Variants in OSBPL2 observed in about 807,000 individuals in gnomAD.
OSBPL2 encodes oxysterol binding protein like 2.
OSBPL2 carries 18 observed loss-of-function variants against 58.4 expected under a neutral mutation model. The observed-to-expected ratio is 0.31, with a 90% CI of 0.21 to 0.46. The LOEUF (loss-of-function observed/expected upper bound fraction) is 0.46. Among genes scored for constraint, OSBPL2 ranks in the 20% least tolerant of loss-of-function variants. OSBPL2 has a pLI of 1.00. For synonymous variants in OSBPL2, 221 were observed against 234.1 expected, an observed-to-expected ratio of 0.94 and a Z score of 0.51; for missense variants, 461 against 616.5, an observed-to-expected ratio of 0.75 and a Z score of 2.67.
intron 1 of OSBPL2, 43 bp downstream of exon 1, chr20:62,238,640 G>C (rs2145904152): frequency 6.8e-6 from 1 of 148,060 alleles, no homozygotes; most frequent in African/African-American, 2.4e-5. Context: ...CCGGGACCCC[G>C]GCGAGCTGCG....
At chr20:62,270,088 A>C (rs1159842128) in intron 4 of OSBPL2, among the ~76,000 whole-genome samples, 1 of 152,186 alleles carries the variant, frequency 6.6e-6, no homozygotes, top group Non-Finnish European at 1.5e-5. Flanking sequence ...GCCCAGGCAG[A>C]GCGCGTCCTT....
intron 2 of OSBPL2, among the ~76,000 whole-genome samples, chr20:62,258,633 C>T (rs996208492): frequency 1.4e-4 from 21 of 152,214 alleles, no homozygotes; most frequent in Middle Eastern, 3.4e-3. Flanking sequence ...ATCCGAGTAG[C>T]GTTGGCTGAG....
At chr20:62,284,677 C>G (rs946119877) in intron 10 of OSBPL2, 4 of 154,450 alleles carry the variant, frequency 2.6e-5, no homozygotes, top group Admixed American at 2.5e-4. Flanking sequence ...CAACACCCAG[C>G]CGGCATATCT....
chr20:62,293,168 A>G lies in OSBPL2; in HGVS notation c.1341-617A>G, dbSNP rs1324203732. 2.2e-5 allele frequency among the ~76,000 whole-genome samples: 3 copies of G among 138,464 alleles called. No homozygotes were observed. In the East Asian group the frequency reaches 6.4e-4, roughly 30 times the overall value. The allele number at this position is 138,464 out of a possible 152,430, so 90.8% of individuals were successfully genotyped here. On this transcript the variant is annotated intron_variant, in intron 13 of 13. Coordinates refer to ENST00000313733, the MANE Select transcript of OSBPL2 (RefSeq NM_144498.4). Reference sequence around the variant, plus strand: ...GTGAGCCACCGCGCCCGGCCTGTTCATTGTTTTTTTAAAGTGTTAAAAAAA... The same window carrying G: ...GTGAGCCACCGCGCCCGGCCTGTTCGTTGTTTTTTTAAAGTGTTAAAAAAA...
intron 1 of OSBPL2, among the ~76,000 whole-genome samples, chr20:62,250,894 A>G (rs1383974161): frequency 3.3e-5 from 5 of 152,310 alleles, no homozygotes; most frequent in Non-Finnish European, 7.4e-5. Flanking sequence ...CGCTGATGTC[A>G]GCCTAGATGA....
intron 8 of OSBPL2, chr20:62,281,534 G>T: frequency 2.0e-6 from 1 of 511,610 alleles, no homozygotes; most frequent in Non-Finnish European, 3.5e-6. Flanking sequence ...CCACTTTAGT[G>T]AGGTATAATC....
At chr20:62,274,024 C>T (rs1285983891) in intron 6 of OSBPL2, among the ~76,000 whole-genome samples, 1 of 152,180 alleles carries the variant, frequency 6.6e-6, no homozygotes, top group African/African-American at 2.4e-5. Flanking sequence ...TAGAGTCTCC[C>T]CAGCTTCCCT....
intron 12 of OSBPL2, among the ~76,000 whole-genome samples, chr20:62,289,770 T>C (rs568814728): frequency 7.9e-5 from 12 of 152,082 alleles, no homozygotes; most frequent in African/African-American, 2.7e-4. Context: ...GCGGTCATGG[T>C]GGCGCCCGAC....
chr20:62,280,973 A>G, intron 7 of OSBPL2, 85 bp from the exon 8 acceptor site: 7 of 1,075,524 alleles, frequency 6.5e-6, no homozygotes, highest in Non-Finnish European at 1.0e-5. Context: ...GCTGTGACCC[A>G]GCCCCGCCTG....
Position 62,264,077 on chromosome 20 carries a change from A to G in OSBPL2, c.258+386A>G, listed in dbSNP as rs1028452904. 2.4e-3 allele frequency among the ~76,000 whole-genome samples: 370 copies of G among 152,078 alleles called. 3 individuals carry two copies. Among genetic ancestry groups the G allele is most frequent in the Non-Finnish European group, 4.2e-3 (288 of 67,974 alleles). ...TGAGATTCCATCTCAAAAAAAAAAA[A>G]AAAAGAAAAAAAATGCACTCTCATG... On this transcript the variant is annotated intron_variant, in intron 4 of 13. Coordinates refer to ENST00000313733, the MANE Select transcript of OSBPL2 (RefSeq NM_144498.4).
At chr20:62,289,933 A>C (rs181425460) in intron 12 of OSBPL2, among the ~76,000 whole-genome samples, 2 of 152,298 alleles carry the variant, frequency 1.3e-5, no homozygotes, top group Non-Finnish European at 2.9e-5. Context: ...CAAAAAACAC[A>C]AACAAAAAAC....
intron 12 of OSBPL2, 82 bp from the exon 13 acceptor site, chr20:62,291,621 A>T: frequency 8.8e-7 from 1 of 1,135,276 alleles, no homozygotes; most frequent in Non-Finnish European, 1.3e-6. Flanking sequence ...AGACATGCCA[A>T]CTAGAGATCT....
intron 9 of OSBPL2, 46 bp downstream of exon 9, chr20:62,281,925 G>T: frequency 7.5e-7 from 1 of 1,338,424 alleles, no homozygotes. Flanking sequence ...CAGCCTGTGT[G>T]TCCACGTTAG....
chr20:62,253,644 T>A (rs897176682), intron 1 of OSBPL2, among the ~76,000 whole-genome samples: 7 of 147,192 alleles, frequency 4.8e-5, no homozygotes, highest in African/African-American at 1.5e-4. Flanking sequence ...TTTCTTGCTG[T>A]CATCTCATGG....
At chr20:62,279,972 C>A (rs1373861723) in intron 7 of OSBPL2, 2 of 1,303,894 alleles carry the variant, frequency 1.5e-6, no homozygotes, top group Non-Finnish European at 2.0e-6. Context: ...TGCTTGCCAC[C>A]CCTCTTCACT....
At chr20:62,284,436 G>A (rs1428147320) in intron 10 of OSBPL2, 2 of 435,564 alleles carry the variant, frequency 4.6e-6, no homozygotes, top group Non-Finnish European at 8.5e-6. Context: ...GAGTACAGTG[G>A]TGCAGTCATA....
chr20:62,280,317 G>A lies in OSBPL2; in HGVS notation c.675-741G>A, dbSNP rs949158668. On this transcript the variant is annotated intron_variant, in intron 7 of 13. Coordinates refer to ENST00000313733, the MANE Select transcript of OSBPL2 (RefSeq NM_144498.4). ...GAGAAGCCCCTGAGAGTGTGTCCTG[G>A]GGCTGGTATGGCCGAGTGCCTGTTG... is the stretch of plus-strand genomic sequence containing the variant. 12 of 347,892 alleles carry A rather than the reference G, an allele frequency of 3.4e-5. 1 individual carries two copies. The highest frequency in any genetic ancestry group is 2.7e-4 in the South Asian group (12 of 44,754). The allele number at this position is 347,892 out of a possible 1,614,324, so 21.6% of individuals were successfully genotyped here. A position where few individuals can be genotyped will look rare whatever the true frequency, so the allele number is the denominator to read the frequency against.
At chr20:62,241,323 G>A (rs539051017) in intron 1 of OSBPL2, among the ~76,000 whole-genome samples, 1 of 152,296 alleles carries the variant, frequency 6.6e-6, no homozygotes, top group African/African-American at 2.4e-5. Flanking sequence ...CTCCCAAGTA[G>A]CTGGGACTAC....
At chr20:62,281,222 C>G in intron 8 of OSBPL2, 57 bp downstream of exon 8, 2 of 1,299,888 alleles carry the variant, frequency 1.5e-6, no homozygotes, top group Non-Finnish European at 1.1e-6. Flanking sequence ...GATGGGCGAG[C>G]CGGGGAGCGT....
Sources: allele counts gnomAD v4.1 joint callset (sites outside exome capture counted in the v4.1 genomes callset), GRCh38; gene constraint gnomAD v4.1.1; transcripts MANE v1.5; gene names NCBI Gene and HGNC (gene_info 2026-07-23, HGNC 2026-07-21).